Variants in CPT1A observed in about 807,000 individuals in gnomAD.
CPT1A encodes carnitine O-palmitoyltransferase 1, liver isoform.
CPT1A carries 64 observed loss-of-function variants against 100.8 expected under a neutral mutation model. The observed-to-expected ratio is 0.63, with a 90% confidence interval of 0.52 to 0.78. The LOEUF (loss-of-function observed/expected upper bound fraction) is 0.78. Ranked by LOEUF, CPT1A falls within the 30% of genes least tolerant of loss-of-function variation. The pLI, the probability that CPT1A is intolerant of heterozygous loss-of-function variation, is 0.00. For missense variants in CPT1A, 802 were observed against 1,034.1 expected (o/e 0.78, Z 3.08); for synonymous variants, 363 against 396.0 (o/e 0.92, Z 0.99).
chr11:68,793,297 T>C lies in CPT1A; in HGVS notation c.967+18A>G. On this transcript the variant is annotated intron_variant, in intron 9 of 18. Transcript: ENST00000265641. ...AAAGTGCCGATTCTCCAGGGGGCCC[T>C]GAAGAAGCTTGACTCACCTGTCTCC... The C allele has an allele frequency of 6.3e-7, 1 of 1,593,614 alleles. No homozygotes were observed. The highest frequency in any genetic ancestry group is 1.1e-5 in the South Asian group (1 of 89,776).
intron 1 of CPT1A, among the ~76,000 whole-genome samples, chr11:68,823,950 A>C (rs1275591765): frequency 1.3e-5 from 2 of 151,868 alleles, no homozygotes; most frequent in African/African-American, 4.8e-5. Context: ...CATAGACATA[A>C]AGATGGAAGT....
intron 7 of CPT1A, among the ~76,000 whole-genome samples, chr11:68,796,166 T>G (rs1855750736): frequency 6.6e-6 from 1 of 152,126 alleles, no homozygotes; most frequent in Non-Finnish European, 1.5e-5. Flanking sequence ...AGCGCACTGG[T>G]GGCAGGATCT....
chr11:68,757,838 G>T, intron 18 of CPT1A, 108 bp from the exon 19 acceptor site: 1 of 945,946 alleles, frequency 1.1e-6, no homozygotes, highest in Non-Finnish European at 1.7e-6. Context: ...ATTCCTTTCT[G>T]CCAGTTCTCT....
At chr11:68,775,749 G>A (rs983134070) in intron 12 of CPT1A, among the ~76,000 whole-genome samples, 2 of 152,176 alleles carry the variant, frequency 1.3e-5, no homozygotes, top group African/African-American at 4.8e-5. Context: ...TAGCATCAGC[G>A]GCATCCAAGC....
chr11:68,789,355 A>T (rs1855555349), intron 9 of CPT1A, among the ~76,000 whole-genome samples: 1 of 151,804 alleles, frequency 6.6e-6, no homozygotes, highest in Admixed American at 6.6e-5. Flanking sequence ...TTGCCCGATG[A>T]TCACCAACGA....
At chr11:68,840,689 G>A (rs1207049740) in intron 1 of CPT1A, among the ~76,000 whole-genome samples, 1 of 152,168 alleles carries the variant, frequency 6.6e-6, no homozygotes, top group Non-Finnish European at 1.5e-5. Flanking sequence ...TGAGTTCTGC[G>A]GCTTTAACGA....
At chr11:68,787,359 G>A (rs1372318466) in intron 9 of CPT1A, among the ~76,000 whole-genome samples, 2 of 151,694 alleles carry the variant, frequency 1.3e-5, no homozygotes, top group African/African-American at 2.4e-5. Context: ...GCTTGAACCC[G>A]GGAGGCAGAG....
At chr11:68,779,807 A>AC (rs905797429) in intron 12 of CPT1A, among the ~76,000 whole-genome samples, 7 of 151,480 alleles carry the variant, frequency 4.6e-5, no homozygotes, top group African/African-American at 9.7e-5. Context: ...AAAAAAAAAA[A>AC]AAAAACAATG....
rs1855326132 is a variant in CPT1A at position 68,782,000 on chromosome 11, G to A, written c.1164-41C>T. ...AATACGATTAAAGGCAGCCCGACCT[G>A]CAGCGATGGAGCGTGATGTTTGAAA... On this transcript the variant is annotated intron_variant, in intron 10 of 18. Transcript: ENST00000265641. 7 of 1,554,608 alleles carry A rather than the reference G, an allele frequency of 4.5e-6. No homozygotes were observed. In the East Asian group the frequency reaches 1.6e-4, roughly 35 times the overall value.
chr11:68,815,509 G>GT, intron 1 of CPT1A, 22 bp from the exon 2 acceptor site: 1 of 1,612,552 alleles, frequency 6.2e-7, no homozygotes, highest in African/African-American at 1.3e-5. Context: ...AGGAGAAAAT[G>GT]TAACACAGTG....
intron 1 of CPT1A, among the ~76,000 whole-genome samples, chr11:68,818,418 C>CA (rs1480010503): frequency 5.9e-5 from 9 of 152,172 alleles, no homozygotes; most frequent in Non-Finnish European, 1.0e-4. Context: ...ATCGCCAGAG[C>CA]AAGGGAGGAG....
downstream of CPT1A, chr11:68,754,676 T>A (rs1391686569): frequency 8.7e-6 from 6 of 687,826 alleles, no homozygotes; most frequent in Non-Finnish European, 1.6e-5. Context: ...TTCTCAGCAT[T>A]GAGGCAATGG....
In CPT1A at chr11:68,762,656, C is replaced by G. The variant is rs573452454; in HGVS notation, c.1846G>C (p.Val616Leu). The G allele has an allele frequency of 6.2e-7, 1 of 1,613,864 alleles. No individual in the cohort carries two copies. Among genetic ancestry groups the G allele is most frequent in the African/African-American group, 1.3e-5 (1 of 75,024 alleles). ...RSCTTESCDF[V>L]RAMVDPAQTV... ...TGGGCCGGGTCCACCATGGCCCGCA[C>G]GAAGTCGCATGACTCAGTGGTGCAG... Residue 616 changes from valine (V) to leucine (L), a missense_variant, in exon 15 of 19, where the codon GTG becomes CTG. Physicochemically the swap from Val to Leu is conservative, Grantham distance 32 (BLOSUM62 1). This residue lies in a region of CPT1A where 627 missense variants were observed against 799.3 expected (regional missense o/e 0.78). Coordinates refer to ENST00000265641, the MANE Select transcript of CPT1A (RefSeq NM_001876.4).
intron 1 of CPT1A, among the ~76,000 whole-genome samples, chr11:68,825,323 A>G (rs538305231): frequency 3.9e-5 from 6 of 152,176 alleles, no homozygotes; most frequent in Non-Finnish European, 8.8e-5. Context: ...ATGTTTGGAG[A>G]GCTCCTCAGA....
Position 68,754,953 on chromosome 11 carries a change from C to A in CPT1A, c.*2691G>T. On this transcript the variant is annotated 3_prime_UTR_variant, in exon 19 of 19. Transcript: ENST00000265641. ...CACACTGCATTTCTAAGATTTACAT[C>A]CAAAGAGCATACTGTATTTACATGC... 1 of 729,904 alleles carries A rather than the reference C, an allele frequency of 1.4e-6. No homozygotes were observed. 45.2% of individuals were successfully genotyped at this position (729,904 alleles called of 1,614,324 possible). A position where few individuals can be genotyped will look rare whatever the true frequency, so the allele number is the denominator to read the frequency against.
intron 9 of CPT1A, among the ~76,000 whole-genome samples, chr11:68,786,971 A>G (rs536206040): frequency 6.6e-6 from 1 of 152,356 alleles, no homozygotes; most frequent in South Asian, 2.1e-4. Context: ...AAGAATGCAC[A>G]CCATGACTAT....
chr11:68,819,910 T>G (rs1181461869), intron 1 of CPT1A, among the ~76,000 whole-genome samples: 1 of 152,226 alleles, frequency 6.6e-6, no homozygotes, highest in Non-Finnish European at 1.5e-5. Flanking sequence ...GCAAATGTAA[T>G]GAGCGCAAAT....
chr11:68,786,978 C>T (rs554584767), intron 9 of CPT1A, among the ~76,000 whole-genome samples: 1 of 152,260 alleles, frequency 6.6e-6, no homozygotes, highest in African/African-American at 2.4e-5. Flanking sequence ...CACACCATGA[C>T]TATGTATATT....
intron 8 of CPT1A, among the ~76,000 whole-genome samples, chr11:68,794,350 G>A (rs1855699324): frequency 6.6e-6 from 1 of 152,164 alleles, no homozygotes; most frequent in African/African-American, 2.4e-5. Flanking sequence ...CTGCAGTGAT[G>A]ATGGTTTCTC....
Sources: allele counts gnomAD v4.1 joint callset (sites outside exome capture counted in the v4.1 genomes callset), GRCh38; gene constraint gnomAD v4.1.1; regional missense constraint gnomAD v4.1.1; transcripts MANE v1.5; gene names NCBI Gene and HGNC (gene_info 2026-07-23, HGNC 2026-07-21).